The following SNTB1 variants were observed in gnomAD, a reference collection of about 807,000 sequenced individuals.
SNTB1 encodes syntrophin beta 1, also known as beta-1-syntrophin.
A neutral mutation model predicts 48.9 loss-of-function variants in SNTB1; 36 were observed. The ratio of observed to expected loss-of-function variants is 0.74; its 90% CI spans 0.56 to 0.97. The LOEUF is 0.97. Ranked by LOEUF, SNTB1 falls within the 50% of genes least tolerant of loss-of-function variation. The pLI, the probability that SNTB1 is intolerant of heterozygous loss-of-function variation, is 0.00. For missense variants in SNTB1, 786 were observed against 703.4 expected (o/e 1.12, Z -1.33); for synonymous variants, 299 against 294.6 (o/e 1.01, Z -0.15).
chr8:120,710,247 G>A (rs1328075202), intron 1 of SNTB1, among the ~76,000 whole-genome samples: 4 of 152,146 alleles, frequency 2.6e-5, no homozygotes, highest in Admixed American at 2.0e-4. Flanking sequence ...AGAAGGGGGC[G>A]GAGGTTGTGG....
intron 2 of SNTB1, among the ~76,000 whole-genome samples, chr8:120,663,023 G>T (rs1290916004): frequency 1.5e-5 from 2 of 129,286 alleles, no homozygotes; most frequent in African/African-American, 5.7e-5. Context: ...GGGGGGGCTG[G>T]TGGGGGGGGT....
At chr8:120,547,132 G>A (rs1815396124) in intron 5 of SNTB1, among the ~76,000 whole-genome samples, 1 of 152,212 alleles carries the variant, frequency 6.6e-6, no homozygotes, top group South Asian at 2.1e-4. Context: ...GGAAGGATTG[G>A]ATGAGATAGG....
intron 5 of SNTB1, among the ~76,000 whole-genome samples, chr8:120,545,007 A>G (rs1198639847): frequency 6.6e-6 from 1 of 152,156 alleles, no homozygotes; most frequent in Non-Finnish European, 1.5e-5. Flanking sequence ...GGAAATTTGG[A>G]AAAACCCTAC....
intron 2 of SNTB1, among the ~76,000 whole-genome samples, chr8:120,681,106 TTATC>T (rs576303621): frequency 5.9e-5 from 9 of 152,278 alleles, no homozygotes; most frequent in South Asian, 4.2e-4. Context: ...ATGCTGAAGT[TTATC>T]TAGGAAGAAA....
At chr8:120,665,426 A>C (rs1817659331) in intron 2 of SNTB1, among the ~76,000 whole-genome samples, 1 of 151,276 alleles carries the variant, frequency 6.6e-6, no homozygotes, top group South Asian at 2.1e-4. Context: ...CAGCCTGGGC[A>C]ATAGAGCAAG....
chr8:120,787,971 G>A (rs1185115782), intron 1 of SNTB1, among the ~76,000 whole-genome samples: 3 of 152,128 alleles, frequency 2.0e-5, no homozygotes, highest in Non-Finnish European at 4.4e-5. Context: ...TCTAACAGCA[G>A]TGAGACAAAA....
chr8:120,687,276 C>T (rs746233920), intron 2 of SNTB1, among the ~76,000 whole-genome samples: 2 of 152,154 alleles, frequency 1.3e-5, no homozygotes, highest in South Asian at 4.1e-4. Flanking sequence ...AAACAGGGTA[C>T]TATGAGAACA....
chr8:120,742,024 A>C (rs1305087624), intron 1 of SNTB1, among the ~76,000 whole-genome samples: 1 of 152,250 alleles, frequency 6.6e-6, no homozygotes, highest in Non-Finnish European at 1.5e-5. Context: ...TGTTTTATAA[A>C]CAAAGTTGAG....
chr8:120,668,176 C>T (rs1054996579), intron 2 of SNTB1, among the ~76,000 whole-genome samples: 1 of 152,200 alleles, frequency 6.6e-6, no homozygotes, highest in African/African-American at 2.4e-5. Flanking sequence ...CTTCCCAACC[C>T]AGGGAGTCTG....
chr8:120,727,237 G>A (rs917097911), intron 1 of SNTB1, among the ~76,000 whole-genome samples: 3 of 152,294 alleles, frequency 2.0e-5, no homozygotes, highest in Admixed American at 1.3e-4. Flanking sequence ...AAAGCTTTAG[G>A]GGTGTGTGCC....
chr8:120,606,988 T>C (rs1444885625), intron 3 of SNTB1, among the ~76,000 whole-genome samples: 2 of 152,096 alleles, frequency 1.3e-5, no homozygotes, highest in Admixed American at 6.6e-5. Flanking sequence ...GGGGTAAAAT[T>C]ATCATAATCT....
At position 120,697,399 on chromosome 8, in the gene SNTB1, T is replaced by C. The variant is rs138964970; in HGVS notation, c.572-3491A>G. ...CACTCATTCGGTCAAAACTTATCAG[T>C]CAATTTTCATGTGCTAAGAACAGTG... On this transcript the variant is annotated intron_variant, in intron 1 of 6. Coordinates refer to ENST00000517992, the MANE Select transcript of SNTB1 (RefSeq NM_021021.4). Among the ~76,000 whole-genome samples the C allele has an allele frequency of 2.6e-4, 40 of 152,336 alleles. No homozygotes were observed. In the East Asian group the frequency reaches 6.6e-3, roughly 25 times the overall value.
chr8:120,704,807 A>G (rs1457319381), intron 1 of SNTB1, among the ~76,000 whole-genome samples: 2 of 152,226 alleles, frequency 1.3e-5, no homozygotes. Context: ...ACTAAATAAA[A>G]AGATGAAATA....
chr8:120,726,364 T>C (rs969646399), intron 1 of SNTB1, among the ~76,000 whole-genome samples: 2 of 152,170 alleles, frequency 1.3e-5, no homozygotes, highest in African/African-American at 2.4e-5. Flanking sequence ...ATTAAATTTG[T>C]TTCTCCACAA....
intron 1 of SNTB1, among the ~76,000 whole-genome samples, chr8:120,739,982 C>A (rs1819017887): frequency 1.3e-5 from 2 of 152,272 alleles, no homozygotes; most frequent in South Asian, 4.2e-4. Flanking sequence ...ACCCCATGTT[C>A]CTAGAGTAAC....
chr8:120,755,401 G>T (rs1328684482), intron 1 of SNTB1, among the ~76,000 whole-genome samples: 2 of 151,988 alleles, frequency 1.3e-5, no homozygotes, highest in Non-Finnish European at 2.9e-5. Context: ...AGAGGAGGAG[G>T]GTGTGCCATG....
At chr8:120,797,747 G>A (rs191165092) in intron 1 of SNTB1, among the ~76,000 whole-genome samples, 24 of 151,748 alleles carry the variant, frequency 1.6e-4, no homozygotes, top group South Asian at 2.1e-4. Context: ...ACCTCTATGC[G>A]CCAGATACTG....
intron 1 of SNTB1, among the ~76,000 whole-genome samples, chr8:120,750,061 T>C (rs1819184921): frequency 6.6e-6 from 1 of 152,180 alleles, no homozygotes; most frequent in African/African-American, 2.4e-5. Flanking sequence ...TTGGTTGAGC[T>C]TGCAAGGCCA....
chr8:120,753,679 A>C (rs1819261269), intron 1 of SNTB1, among the ~76,000 whole-genome samples: 1 of 152,222 alleles, frequency 6.6e-6, no homozygotes, highest in Non-Finnish European at 1.5e-5. Flanking sequence ...AGATAAGATC[A>C]GAGAAGCATC....
Sources: allele counts gnomAD v4.1 joint callset (sites outside exome capture counted in the v4.1 genomes callset), GRCh38; gene constraint gnomAD v4.1.1; transcripts MANE v1.5; gene names NCBI Gene and HGNC (gene_info 2026-07-23, HGNC 2026-07-21).